The following RNFT2 variants were observed in gnomAD, a reference collection of about 807,000 sequenced individuals.
RNFT2 encodes the protein ring finger protein, transmembrane 2.
RNFT2 carries 36 observed loss-of-function variants against 53.0 expected under a neutral mutation model. The observed-to-expected ratio is 0.68, with a 90% CI of 0.52 to 0.90. The LOEUF is 0.90. Among genes scored for constraint, RNFT2 ranks in the 40% least tolerant of loss-of-function variants. The pLI is 0.00. For missense variants in RNFT2, 514 were observed against 585.6 expected (o/e 0.88, Z 1.26); for synonymous variants, 260 against 253.2 (o/e 1.03, Z -0.26).
intron 5 of RNFT2, among the ~76,000 whole-genome samples, chr12:116,761,273 C>A (rs141057496): frequency 1.2e-3 from 184 of 152,282 alleles, no homozygotes; most frequent in Middle Eastern, 6.8e-3. Context: ...CTCAGTCTCC[C>A]CAGTAGCTGG....
chr12:116,792,686 A>G (rs1307392792), intron 7 of RNFT2, among the ~76,000 whole-genome samples: 6 of 152,080 alleles, frequency 3.9e-5, no homozygotes, highest in Non-Finnish European at 5.9e-5. Flanking sequence ...GAAAAGGTTC[A>G]CAGCCTTCCC....
intron 7 of RNFT2, among the ~76,000 whole-genome samples, chr12:116,796,242 T>TC (rs1463718185): frequency 6.6e-6 from 1 of 152,132 alleles, no homozygotes; most frequent in African/African-American, 2.4e-5. Flanking sequence ...TTTAAGGTTA[T>TC]CATAAGGTGC....
At chr12:116,791,841 T>C (rs897368533) in intron 7 of RNFT2, among the ~76,000 whole-genome samples, 3 of 152,172 alleles carry the variant, frequency 2.0e-5, no homozygotes, top group Non-Finnish European at 4.4e-5. Flanking sequence ...TTTGAGGAAC[T>C]GTCAAACCTT....
intron 10 of RNFT2, among the ~76,000 whole-genome samples, chr12:116,846,890 G>T (rs2137226151): frequency 7.2e-6 from 1 of 138,548 alleles, no homozygotes; most frequent in Admixed American, 8.5e-5. Flanking sequence ...AATTCCACTA[G>T]CATGCCCAGG....
rs746100604 is a variant in RNFT2 at position 116,835,973 on chromosome 12, G to C, written c.1046G>C (p.Cys349Ser). The part of the protein sequence containing the change: ...LYSLCKSFDI[C>S]GRVGGVRKAL... The stretch of plus-strand genomic sequence containing the variant: ...CTCTCCTTTCAGTCCTTCGACATCT[G>C]TGGACGTGTGGGCGGAGTTAGGAAA... Residue 349 changes from cysteine (C) to serine (S), a missense_variant, in exon 9 of 11, where the codon TGT (cysteine) becomes TCT (serine). Around this residue, in one of 3 missense-constraint regions of RNFT2, gnomAD observed 273 missense variants for 334.4 expected, o/e 0.82. Coordinates refer to ENST00000257575, the MANE Select transcript of RNFT2 (RefSeq NM_001382266.1). 1 of 1,614,024 alleles carries C rather than the reference G, an allele frequency of 6.2e-7. No homozygotes were observed. Among genetic ancestry groups the C allele is most frequent in the Non-Finnish European group, 8.5e-7 (1 of 1,179,886 alleles).
At chr12:116,781,905 C>T (rs758971508) in intron 7 of RNFT2, among the ~76,000 whole-genome samples, 11 of 151,470 alleles carry the variant, frequency 7.3e-5, no homozygotes, top group African/African-American at 1.9e-4. Flanking sequence ...GGTGAAACCC[C>T]GTCTCTACTA....
At chr12:116,761,342 T>G (rs1358554445) in intron 5 of RNFT2, among the ~76,000 whole-genome samples, 1 of 152,102 alleles carries the variant, frequency 6.6e-6, no homozygotes, top group Admixed American at 6.6e-5. Context: ...GAGACGGGGT[T>G]TCACCATGTT....
chr12:116,774,729 T>C (rs139821913), intron 6 of RNFT2, among the ~76,000 whole-genome samples: 1 of 142,078 alleles, frequency 7.0e-6, no homozygotes, highest in African/African-American at 2.6e-5. Flanking sequence ...AACACAGATC[T>C]CATACGCCGC....
At position 116,852,901 on chromosome 12, in the gene RNFT2, C is replaced by T; in HGVS notation, c.*3453C>T. 1 of 610,034 alleles carries T rather than the reference C, an allele frequency of 1.6e-6. No homozygotes were observed. Among genetic ancestry groups the T allele is most frequent in the Non-Finnish European group, 2.9e-6 (1 of 347,798 alleles). The allele number at this position is 610,034 out of a possible 1,614,324, so 37.8% of individuals were successfully genotyped here. A position where few individuals can be genotyped will look rare whatever the true frequency, so the allele number is the denominator to read the frequency against. On this transcript the variant is annotated 3_prime_UTR_variant, in exon 11 of 11. Transcript: ENST00000257575. ...TACCCCAATGGTTTCTCCAATTATG[C>T]CCATGCCACCAAAACAATAAAACAA...
intron 7 of RNFT2, among the ~76,000 whole-genome samples, chr12:116,819,451 A>C (rs1054443994): frequency 3.3e-5 from 5 of 151,976 alleles, no homozygotes; most frequent in Admixed American, 1.3e-4. Context: ...CCGCGGGGCC[A>C]TGAGATCATG....
intron 5 of RNFT2, among the ~76,000 whole-genome samples, chr12:116,759,245 A>G (rs1872606341): frequency 6.6e-6 from 1 of 152,140 alleles, no homozygotes; most frequent in African/African-American, 2.4e-5. Flanking sequence ...ATTTCCTTGA[A>G]TATTTCTCCC....
At chr12:116,773,889 A>G (rs1221301906) in intron 6 of RNFT2, among the ~76,000 whole-genome samples, 1 of 152,244 alleles carries the variant, frequency 6.6e-6, no homozygotes, top group Non-Finnish European at 1.5e-5. Context: ...AAAAGGTAGA[A>G]GCAACCCAGT....
At chr12:116,782,858 T>G (rs1873775444) in intron 7 of RNFT2, among the ~76,000 whole-genome samples, 1 of 152,198 alleles carries the variant, frequency 6.6e-6, no homozygotes, top group African/African-American at 2.4e-5. Flanking sequence ...CCTTCTAGAC[T>G]AGACCACTCC....
At chr12:116,793,531 C>T (rs1199168897) in intron 7 of RNFT2, among the ~76,000 whole-genome samples, 2 of 152,232 alleles carry the variant, frequency 1.3e-5, no homozygotes, top group East Asian at 3.9e-4. Flanking sequence ...TTTGCCTGGC[C>T]TGGCTCCTAC....
chr12:116,743,565 G>C (rs548134413), intron 3 of RNFT2, among the ~76,000 whole-genome samples: 1 of 152,116 alleles, frequency 6.6e-6, no homozygotes, highest in Non-Finnish European at 1.5e-5. Flanking sequence ...ACTGCACCCA[G>C]CCTAGAATTT....
intron 8 of RNFT2, among the ~76,000 whole-genome samples, chr12:116,834,347 G>A (rs1876850398): frequency 6.6e-6 from 1 of 152,052 alleles, no homozygotes; most frequent in African/African-American, 2.4e-5. Context: ...TTGAACTCCT[G>A]ACCTCAAGTG....
intron 7 of RNFT2, among the ~76,000 whole-genome samples, chr12:116,795,320 A>C (rs996135157): frequency 6.6e-6 from 1 of 151,990 alleles, no homozygotes; most frequent in Non-Finnish European, 1.5e-5. Context: ...AGTCAGAAGA[A>C]TCGCTTGAAC....
rs998919387 is a variant in RNFT2, at chr12:116,851,231, A to T, written c.*1783A>T. On this transcript the variant is annotated 3_prime_UTR_variant, in exon 11 of 11. Coordinates refer to ENST00000257575, the MANE Select transcript of RNFT2 (RefSeq NM_001382266.1). Reference sequence around the variant, plus strand: ...TCAGAACCCACATCTAAAAAAAAATAAATTTATTAGAGATGAGGTTTCTAA... The same window carrying T: ...TCAGAACCCACATCTAAAAAAAAATTAATTTATTAGAGATGAGGTTTCTAA... 7 of 147,628 alleles carry T rather than the reference A, an allele frequency of 4.7e-5. No homozygotes were observed. The highest frequency in any genetic ancestry group is 1.5e-4 in the African/African-American group (6 of 40,116). 9.1% of individuals were successfully genotyped at this position (147,628 alleles called of 1,614,324 possible).
intron 6 of RNFT2, among the ~76,000 whole-genome samples, chr12:116,778,058 G>A (rs967515067): frequency 6.6e-6 from 1 of 152,144 alleles, no homozygotes; most frequent in African/African-American, 2.4e-5. Flanking sequence ...CTCCTTCATA[G>A]TATTGGCCTG....
Sources: gnomAD v4.1 joint callset for allele counts (sites outside exome capture counted in the v4.1 genomes callset) on GRCh38, gnomAD v4.1.1 for gene constraint, gnomAD v4.1.1 regional missense constraint, MANE v1.5 for transcripts, NCBI Gene and HGNC (gene_info 2026-07-23, HGNC 2026-07-21) for gene names.